The following UBE2E2 variants were observed in gnomAD, a reference collection of about 807,000 sequenced individuals.
UBE2E2 encodes the protein ubiquitin-conjugating enzyme E2 E2.
A neutral mutation model predicts 24.7 loss-of-function variants in UBE2E2; 6 were observed. The observed-to-expected ratio is 0.24, with a 90% CI of 0.13 to 0.48. UBE2E2 has a LOEUF of 0.48. Among genes scored for constraint, UBE2E2 ranks in the 20% least tolerant of loss-of-function variants. UBE2E2 has a pLI of 0.99. For missense variants in UBE2E2, 169 were observed against 245.0 expected (o/e 0.69, Z 2.07); for synonymous variants, 104 against 83.6 (o/e 1.24, Z -1.33).
chr3:23,384,588 G>T (rs953493474), intron 3 of UBE2E2, among the ~76,000 whole-genome samples: 1 of 151,870 alleles, frequency 6.6e-6, no homozygotes, highest in Non-Finnish European at 1.5e-5. Flanking sequence ...TGTCACCCAG[G>T]CTGGAGTGCA....
intron 3 of UBE2E2, among the ~76,000 whole-genome samples, chr3:23,351,599 A>T (rs1367292219): frequency 1.3e-5 from 2 of 152,298 alleles, no homozygotes; most frequent in East Asian, 3.9e-4. Context: ...CTCTGATAAA[A>T]CAGACTTTAA....
chr3:23,272,376 C>T (rs796858492), intron 3 of UBE2E2, among the ~76,000 whole-genome samples: 16 of 151,944 alleles, frequency 1.1e-4, no homozygotes, highest in African/African-American at 2.2e-4. Flanking sequence ...GGTTCCCACC[C>T]GTGCCTCTCC....
intron 3 of UBE2E2, among the ~76,000 whole-genome samples, chr3:23,406,146 G>C (rs1260510113): frequency 1.3e-5 from 2 of 152,234 alleles, no homozygotes; most frequent in Non-Finnish European, 2.9e-5. Flanking sequence ...GAATTATAAA[G>C]TAAAAGACAG....
intron 3 of UBE2E2, among the ~76,000 whole-genome samples, chr3:23,221,651 T>G (rs1380237004): frequency 6.6e-6 from 1 of 152,074 alleles, no homozygotes; most frequent in African/African-American, 2.4e-5. Flanking sequence ...CTTTTTTTTT[T>G]CTGAGACGGA....
At chr3:23,264,260 A>G (rs983071778) in intron 3 of UBE2E2, among the ~76,000 whole-genome samples, 5 of 151,826 alleles carry the variant, frequency 3.3e-5, no homozygotes, top group African/African-American at 1.2e-4. Context: ...GAGAAAGAAC[A>G]TTTTACTGTT....
At chr3:23,295,122 A>C (rs1346046247) in intron 3 of UBE2E2, among the ~76,000 whole-genome samples, 1 of 152,164 alleles carries the variant, frequency 6.6e-6, no homozygotes, top group Non-Finnish European at 1.5e-5. Context: ...CTTTTCAAAA[A>C]CACAGTGGAA....
At chr3:23,408,095 A>G (rs1424470394) in intron 3 of UBE2E2, among the ~76,000 whole-genome samples, 1 of 152,204 alleles carries the variant, frequency 6.6e-6, no homozygotes, top group Non-Finnish European at 1.5e-5. Flanking sequence ...GTGTTTTTGT[A>G]GAAGAAAAGT....
chr3:23,478,783 A>G (rs770207995), intron 3 of UBE2E2, among the ~76,000 whole-genome samples: 68 of 152,120 alleles, frequency 4.5e-4, no homozygotes, highest in Non-Finnish European at 6.8e-4. Context: ...GCTCTTGCCT[A>G]TAATCCCAAC....
intron 4 of UBE2E2, among the ~76,000 whole-genome samples, chr3:23,510,601 G>T (rs9830392): frequency 0.49 from 74,721 of 151,298 alleles, 18,995 homozygotes; most frequent in African/African-American, 0.6. Flanking sequence ...AGCAAGACTG[G>T]GTCAAAAAAA....
At chr3:23,351,974 T>C (rs1288683309) in intron 3 of UBE2E2, among the ~76,000 whole-genome samples, 2 of 152,116 alleles carry the variant, frequency 1.3e-5, no homozygotes, top group African/African-American at 4.8e-5. Context: ...ATTGACCACA[T>C]AATTGGAAGT....
chr3:23,564,073 T>G (rs1299944965), intron 5 of UBE2E2, among the ~76,000 whole-genome samples: 4 of 152,128 alleles, frequency 2.6e-5, no homozygotes, highest in Non-Finnish European at 4.4e-5. Context: ...ACCATGTGTT[T>G]GTGTGTGAAG....
At chr3:23,495,418 G>A (rs1395197242) in intron 3 of UBE2E2, among the ~76,000 whole-genome samples, 2 of 152,112 alleles carry the variant, frequency 1.3e-5, no homozygotes, top group African/African-American at 2.4e-5. Context: ...AATTTACTGT[G>A]GTTACCATTC....
intron 4 of UBE2E2, among the ~76,000 whole-genome samples, chr3:23,522,955 A>G (rs1158692062): frequency 6.6e-6 from 1 of 152,196 alleles, no homozygotes; most frequent in Non-Finnish European, 1.5e-5. Context: ...CCATGATACA[A>G]TCTACCATTA....
intron 3 of UBE2E2, among the ~76,000 whole-genome samples, chr3:23,237,109 A>C (rs1440151411): frequency 6.6e-6 from 1 of 152,078 alleles, no homozygotes; most frequent in Non-Finnish European, 1.5e-5. Flanking sequence ...CAGTTCCTTC[A>C]TCTGTAAAAC....
chr3:23,254,333 C>T (rs1035775645), intron 3 of UBE2E2, among the ~76,000 whole-genome samples: 2 of 152,102 alleles, frequency 1.3e-5, no homozygotes, highest in African/African-American at 4.8e-5. Flanking sequence ...GTAATTTTGA[C>T]CAAGGGATGC....
At chr3:23,278,620 T>C (rs1698420206) in intron 3 of UBE2E2, among the ~76,000 whole-genome samples, 1 of 152,170 alleles carries the variant, frequency 6.6e-6, no homozygotes, top group South Asian at 2.1e-4. Context: ...ATCTGGGATA[T>C]GTTGTGGGTC....
intron 3 of UBE2E2, among the ~76,000 whole-genome samples, chr3:23,413,666 C>G (rs1438903267): frequency 6.6e-6 from 1 of 152,192 alleles, no homozygotes; most frequent in East Asian, 1.9e-4. Context: ...CCCTTACCTT[C>G]TCTGTGTTCC....
intron 5 of UBE2E2, among the ~76,000 whole-genome samples, chr3:23,564,591 A>G (rs1018401462): frequency 3.9e-5 from 6 of 152,272 alleles, no homozygotes; most frequent in African/African-American, 1.4e-4. Flanking sequence ...CAGAATTAAA[A>G]GGAAATTCCT....
At chr3:23,513,116 T>C (rs890840222) in intron 4 of UBE2E2, among the ~76,000 whole-genome samples, 2 of 152,218 alleles carry the variant, frequency 1.3e-5, no homozygotes, top group Non-Finnish European at 2.9e-5. Flanking sequence ...AATATGTTTA[T>C]TTCAGGTTAT....
Sources: allele counts gnomAD v4.1 joint callset (sites outside exome capture counted in the v4.1 genomes callset), GRCh38; gene constraint gnomAD v4.1.1; transcripts MANE v1.5; gene names NCBI Gene and HGNC (gene_info 2026-07-23, HGNC 2026-07-21).